ESRRG: variants seen among roughly 807,000 people sequenced by gnomAD.
ESRRG encodes estrogen-related receptor gamma.
ESRRG carries 13 observed loss-of-function variants against 44.0 expected under a neutral mutation model. The observed-to-expected ratio is 0.30, with a 90% CI of 0.19 to 0.47. ESRRG has a LOEUF of 0.47. Ranked by LOEUF, ESRRG falls within the 20% of genes least tolerant of loss-of-function variation. The pLI, the probability that ESRRG is intolerant of heterozygous loss-of-function variation, is 1.00. For synonymous variants in ESRRG, 215 were observed against 214.6 expected (o/e 1.00, Z -0.02); for missense variants, 395 against 580.6 (o/e 0.68, Z 3.29).
intron 5 of ESRRG, among the ~76,000 whole-genome samples, chr1:216,535,877 A>C (rs2050794203): frequency 6.6e-6 from 1 of 152,076 alleles, no homozygotes; most frequent in Non-Finnish European, 1.5e-5. Flanking sequence ...ATTCCTGACA[A>C]AATGGTGTAC....
intron 2 of ESRRG, among the ~76,000 whole-genome samples, chr1:216,931,315 C>T (rs2063314062): frequency 6.6e-6 from 1 of 152,142 alleles, no homozygotes; most frequent in Admixed American, 6.5e-5. Context: ...TCTTTGTCTT[C>T]AGCTTAAAAT....
At chr1:216,696,760 A>G (rs2080239453) in intron 1 of ESRRG, among the ~76,000 whole-genome samples, 1 of 152,116 alleles carries the variant, frequency 6.6e-6, no homozygotes, top group African/African-American at 2.4e-5. Context: ...TGCTGTCATT[A>G]ATTAACTGTA....
chr1:216,932,268 G>T (rs771984277), intron 2 of ESRRG, among the ~76,000 whole-genome samples: 1 of 151,756 alleles, frequency 6.6e-6, no homozygotes, highest in Admixed American at 6.6e-5. Flanking sequence ...AAGAAAAAGA[G>T]GTTAATATTG....
chr1:216,630,107 A>G lies in ESRRG; in HGVS notation c.589+20866T>C, dbSNP rs548783439. Among the ~76,000 whole-genome samples the G allele has an allele frequency of 3.3e-4, 51 of 152,310 alleles. No individual in the cohort carries two copies. In the Middle Eastern group the frequency reaches 0.014, roughly 41 times the overall value. ...GGGAAGTAACTTGACTTTTAGGCAC[A>G]TGTTGCTTTCCTTATCACGAAGTCA... On this transcript the variant is annotated intron_variant, in intron 3 of 6. Coordinates refer to ENST00000408911, the MANE Select transcript of ESRRG (RefSeq NM_001438.4).
At chr1:216,719,141 T>C (rs1257448561) in intron 1 of ESRRG, among the ~76,000 whole-genome samples, 3 of 152,014 alleles carry the variant, frequency 2.0e-5, no homozygotes, top group Non-Finnish European at 4.4e-5. Context: ...GGACTTGAGA[T>C]TGGGCATTAT....
intron 5 of ESRRG, among the ~76,000 whole-genome samples, chr1:216,561,626 C>G (rs2058755439): frequency 6.6e-6 from 1 of 152,120 alleles, no homozygotes; most frequent in Non-Finnish European, 1.5e-5. Context: ...CTCCTGAACC[C>G]AGGGTAAGGC....
At chr1:216,680,358 T>G (rs911371866) in intron 1 of ESRRG, among the ~76,000 whole-genome samples, 7 of 152,298 alleles carry the variant, frequency 4.6e-5, no homozygotes, top group African/African-American at 7.2e-5. Flanking sequence ...CAGTACAGCC[T>G]GAATCTGAAC....
At chr1:216,862,820 G>A (rs763383832) in intron 2 of ESRRG, 11 of 152,080 alleles carry the variant, frequency 7.2e-5, no homozygotes, top group South Asian at 2.1e-4. Flanking sequence ...CGTTTATTAC[G>A]TTGATTAAGG....
intron 2 of ESRRG, among the ~76,000 whole-genome samples, chr1:216,673,933 G>C (rs978039405): frequency 5.3e-5 from 8 of 152,108 alleles, no homozygotes; most frequent in Non-Finnish European, 1.2e-4. Flanking sequence ...CTGAATCACA[G>C]GTTCTCAGTA....
chr1:216,809,823 G>A (rs2094913453), intron 2 of ESRRG, among the ~76,000 whole-genome samples: 1 of 152,160 alleles, frequency 6.6e-6, no homozygotes, highest in Admixed American at 6.6e-5. Context: ...GGCATGAAAT[G>A]AGCTGTCCTC....
chr1:217,071,803 A>G (rs1186770594), intron 1 of ESRRG, among the ~76,000 whole-genome samples: 1 of 152,164 alleles, frequency 6.6e-6, no homozygotes, highest in Non-Finnish European at 1.5e-5. Flanking sequence ...TATAACTATT[A>G]TTCCAATTTC....
intron 1 of ESRRG, among the ~76,000 whole-genome samples, chr1:217,023,241 G>A (rs1248072631): frequency 6.6e-6 from 1 of 152,120 alleles, no homozygotes; most frequent in Non-Finnish European, 1.5e-5. Flanking sequence ...TTCAGAAATG[G>A]AATCAGCTGC....
intron 3 of ESRRG, among the ~76,000 whole-genome samples, chr1:216,568,630 G>A (rs933194635): frequency 6.6e-6 from 1 of 152,282 alleles, no homozygotes; most frequent in South Asian, 2.1e-4. Context: ...CCTGAGAGAC[G>A]CAAGAATTGT....
intron 1 of ESRRG, among the ~76,000 whole-genome samples, chr1:217,089,022 C>T (rs1395237599): frequency 6.6e-6 from 1 of 152,042 alleles, no homozygotes; most frequent in African/African-American, 2.4e-5. Context: ...ACACCTAGGA[C>T]TACAGCAGCA....
At chr1:216,875,700 G>A (rs550625946) in intron 2 of ESRRG, among the ~76,000 whole-genome samples, 12 of 151,818 alleles carry the variant, frequency 7.9e-5, no homozygotes, top group East Asian at 1.9e-4. Flanking sequence ...TTGTTCCAGC[G>A]TTTTATTGTT....
intron 5 of ESRRG, among the ~76,000 whole-genome samples, chr1:216,559,565 G>A (rs960108604): frequency 2.0e-5 from 3 of 152,196 alleles, no homozygotes; most frequent in African/African-American, 7.2e-5. Flanking sequence ...ACCATGTCCT[G>A]TGTCCTGTAC....
chr1:216,918,194 C>T (rs891616481), intron 2 of ESRRG, among the ~76,000 whole-genome samples: 2 of 152,100 alleles, frequency 1.3e-5, no homozygotes, highest in African/African-American at 2.4e-5. Context: ...ATTTTGTTTA[C>T]TCCTGGGAAA....
intron 3 of ESRRG, among the ~76,000 whole-genome samples, chr1:216,636,385 A>T (rs1011293374): frequency 6.6e-6 from 1 of 152,240 alleles, no homozygotes; most frequent in African/African-American, 2.4e-5. Context: ...CTGAAGAAAA[A>T]TAAAAGCCAA....
intron 1 of ESRRG, among the ~76,000 whole-genome samples, chr1:216,952,140 G>C (rs991495885): frequency 2.0e-5 from 3 of 152,120 alleles, no homozygotes; most frequent in Non-Finnish European, 4.4e-5. Context: ...TGGTCTTTGA[G>C]TGGCAAATTA....
Sources: allele counts gnomAD v4.1 joint callset (sites outside exome capture counted in the v4.1 genomes callset), GRCh38; gene constraint gnomAD v4.1.1; transcripts MANE v1.5; gene names NCBI Gene and HGNC (gene_info 2026-07-23, HGNC 2026-07-21).